The following RPS6KC1 variants were observed in gnomAD, a reference collection of about 807,000 sequenced individuals.
RPS6KC1 encodes ribosomal protein S6 kinase C1.
Under a neutral mutation model 103.8 loss-of-function variants are expected in RPS6KC1, and 54 were observed. That is an observed-to-expected ratio of 0.52 (90% confidence interval 0.42 to 0.65). The LOEUF (loss-of-function observed/expected upper bound fraction) is 0.65. RPS6KC1 is among the 30% of genes least tolerant of loss of function. RPS6KC1 has a pLI of 0.00. For synonymous variants in RPS6KC1, 439 were observed against 438.7 expected, an observed-to-expected ratio of 1.00 and a Z score of -0.01; for missense variants, 1,151 against 1,253.8, an observed-to-expected ratio of 0.92 and a Z score of 1.24.
At chr1:213,242,499 A>T (rs2094379338) in intron 11 of RPS6KC1, 70 bp from the exon 12 acceptor site, 3 of 1,278,112 alleles carry the variant, frequency 2.3e-6, no homozygotes, top group Non-Finnish European at 3.4e-6. Flanking sequence ...CAAAAGGAGT[A>T]ATTACAGTTC....
At chr1:213,237,222 A>G (rs1239291425) in intron 10 of RPS6KC1, among the ~76,000 whole-genome samples, 1 of 152,148 alleles carries the variant, frequency 6.6e-6, no homozygotes, top group Non-Finnish European at 1.5e-5. Flanking sequence ...GATTAAAAAT[A>G]AGGACTGTGG....
At chr1:213,320,183 A>G in the RPS6KC1 span, among the ~76,000 whole-genome samples, 1 of 152,258 alleles carries the variant, frequency 6.6e-6, no homozygotes, top group African/African-American at 2.4e-5. Flanking sequence ...GAAGGCCTCC[A>G]TCTTGCCCAC....
intron 3 of RPS6KC1, among the ~76,000 whole-genome samples, chr1:213,083,278 G>A (rs1024101574): frequency 6.6e-6 from 1 of 152,214 alleles, no homozygotes; most frequent in Non-Finnish European, 1.5e-5. Flanking sequence ...GGTGGAACCA[G>A]TAGCTCAGAG....
chr1:213,765,500 C>T, the RPS6KC1 span, among the ~76,000 whole-genome samples: 1 of 152,194 alleles, frequency 6.6e-6, no homozygotes, highest in Non-Finnish European at 1.5e-5. Context: ...AATGAGTCTG[C>T]CCAGGGCCAT....
the RPS6KC1 span, among the ~76,000 whole-genome samples, chr1:213,381,249 G>T: frequency 6.6e-6 from 1 of 152,070 alleles, no homozygotes; most frequent in African/African-American, 2.4e-5. Flanking sequence ...AGCAAACACC[G>T]CATCTCCTGG....
chr1:213,679,194 G>C, the RPS6KC1 span, among the ~76,000 whole-genome samples: 1 of 152,128 alleles, frequency 6.6e-6, no homozygotes, highest in Admixed American at 6.5e-5. Context: ...TGCCCTCTTA[G>C]CACTCGTTGG....
the RPS6KC1 span, among the ~76,000 whole-genome samples, chr1:213,501,394 A>G: frequency 6.6e-6 from 1 of 152,242 alleles, no homozygotes; most frequent in African/African-American, 2.4e-5. Context: ...TAATGGTTTA[A>G]AAGTAAAACA....
At chr1:213,480,233 C>T in the RPS6KC1 span, among the ~76,000 whole-genome samples, 3 of 151,952 alleles carry the variant, frequency 2.0e-5, no homozygotes, top group Admixed American at 6.6e-5. Context: ...TCTCCATGAT[C>T]GTGGTCATGA....
At chr1:213,541,013 T>C in the RPS6KC1 span, among the ~76,000 whole-genome samples, 5 of 151,860 alleles carry the variant, frequency 3.3e-5, no homozygotes, top group Non-Finnish European at 5.9e-5. Flanking sequence ...GTAATTCTAG[T>C]TCTCTTGCAA....
intron 6 of RPS6KC1, among the ~76,000 whole-genome samples, chr1:213,140,147 C>T (rs760582478): frequency 4.0e-5 from 6 of 151,868 alleles, no homozygotes; most frequent in Non-Finnish European, 5.9e-5. Flanking sequence ...TCAGCTTAGA[C>T]GTGATTGATG....
At chr1:213,481,980 G>A in the RPS6KC1 span, among the ~76,000 whole-genome samples, 23 of 152,206 alleles carry the variant, frequency 1.5e-4, no homozygotes, top group African/African-American at 5.3e-4. Flanking sequence ...CTGTTTAAAA[G>A]TATGTGCACC....
the RPS6KC1 span, among the ~76,000 whole-genome samples, chr1:213,591,339 A>G: frequency 6.6e-6 from 1 of 152,078 alleles, no homozygotes; most frequent in African/African-American, 2.4e-5. Flanking sequence ...AAACCCCCGA[A>G]GTTTACTCAC....
chr1:213,837,510 A>G, the RPS6KC1 span, among the ~76,000 whole-genome samples: 11 of 152,186 alleles, frequency 7.2e-5, no homozygotes, highest in Non-Finnish European at 1.6e-4. Context: ...TCTCCACTGA[A>G]AATGTTTCAT....
the RPS6KC1 span, among the ~76,000 whole-genome samples, chr1:213,581,712 G>A: frequency 2.6e-5 from 4 of 152,116 alleles, no homozygotes; most frequent in East Asian, 1.9e-4. Flanking sequence ...GGAGCCCTGC[G>A]TATCAAAGGT....
the RPS6KC1 span, among the ~76,000 whole-genome samples, chr1:213,559,873 A>T: frequency 2.6e-5 from 4 of 152,246 alleles, no homozygotes; most frequent in Non-Finnish European, 5.9e-5. Context: ...TATAAAAATT[A>T]TTAATGAGAT....
the RPS6KC1 span, among the ~76,000 whole-genome samples, chr1:213,583,918 G>A: frequency 0.011 from 1,628 of 152,026 alleles, 33 homozygotes; most frequent in African/African-American, 0.037. Flanking sequence ...TTGTAGGTCT[G>A]GAGTGAAGCT....
the RPS6KC1 span, among the ~76,000 whole-genome samples, chr1:213,407,151 C>G: frequency 6.6e-6 from 1 of 152,030 alleles, no homozygotes; most frequent in Non-Finnish European, 1.5e-5. Context: ...AGGACTGCAT[C>G]TGGGTTTCTC....
chr1:213,220,514 G>A (rs780947742), intron 8 of RPS6KC1, among the ~76,000 whole-genome samples: 29 of 152,044 alleles, frequency 1.9e-4, no homozygotes, highest in Non-Finnish European at 2.4e-4. Flanking sequence ...TTTATAGAAA[G>A]AGGGTTTCAC....
intron 6 of RPS6KC1, among the ~76,000 whole-genome samples, chr1:213,158,444 G>T (rs947603737): frequency 5.9e-5 from 9 of 152,178 alleles, no homozygotes; most frequent in African/African-American, 2.2e-4. Context: ...CTTGGCAGCT[G>T]GGAAACTCTC....
Sources: allele counts gnomAD v4.1 joint callset (sites outside exome capture counted in the v4.1 genomes callset), GRCh38; gene constraint gnomAD v4.1.1; transcripts MANE v1.5; gene names NCBI Gene and HGNC (gene_info 2026-07-23, HGNC 2026-07-21).